Variants in ARHGAP6 observed in about 807,000 individuals in gnomAD.
The protein encoded by ARHGAP6 is Rho GTPase activating protein 6, also known as rho GTPase-activating protein 6.
ARHGAP6 carries 16 observed loss-of-function variants against 55.7 expected under a neutral mutation model. The ratio of observed to expected loss-of-function variants is 0.29; its 90% CI spans 0.19 to 0.44. The LOEUF is 0.44. Among genes scored for constraint, ARHGAP6 ranks in the 20% least tolerant of loss-of-function variants. The pLI is 1.00. For synonymous variants in ARHGAP6, 382 were observed against 360.9 expected (o/e 1.06, Z -0.66); for missense variants, 698 against 808.9 (o/e 0.86, Z 1.66).
chrX:11,609,023 G>C (rs1002068735), intron 1 of ARHGAP6, among the ~76,000 whole-genome samples: 1 of 111,856 alleles, frequency 8.9e-6, no homozygotes, highest in Non-Finnish European at 1.9e-5. Context: ...GCTTGTAATA[G>C]TACTTACTGC....
chrX:11,357,558 C>T (rs1242721844), intron 1 of ARHGAP6, among the ~76,000 whole-genome samples: 1 of 111,727 alleles, frequency 9.0e-6, no homozygotes, highest in Non-Finnish European at 1.9e-5. Flanking sequence ...GTCAGTTAAT[C>T]AGACTCCTAA....
intron 1 of ARHGAP6, among the ~76,000 whole-genome samples, chrX:11,587,665 T>A (rs781179539): frequency 1.8e-5 from 2 of 112,336 alleles, no homozygotes; most frequent in African/African-American, 3.2e-5. Context: ...CACGAAAAGA[T>A]TGAGCTGTGC....
At chrX:11,165,790 T>C (rs766794616) in intron 9 of ARHGAP6, among the ~76,000 whole-genome samples, 1 of 110,989 alleles carries the variant, frequency 9.0e-6, no homozygotes, top group East Asian at 2.8e-4. Context: ...ACCAGAACTC[T>C]GTGGAGGTCT....
chrX:11,234,737 A>T (rs1026546981), intron 2 of ARHGAP6, among the ~76,000 whole-genome samples: 4 of 112,574 alleles, frequency 3.6e-5, no homozygotes, highest in African/African-American at 1.3e-4. Flanking sequence ...CCACACAAAA[A>T]CTTGTATGCC....
chrX:11,251,236 G>A (rs766760838), intron 2 of ARHGAP6, among the ~76,000 whole-genome samples: 3 of 111,301 alleles, frequency 2.7e-5, no homozygotes, highest in Non-Finnish European at 5.7e-5. Flanking sequence ...TTTGTTGGAC[G>A]CTGAGACGCA....
chrX:11,355,777 G>A (rs2048923333), intron 1 of ARHGAP6, among the ~76,000 whole-genome samples: 2 of 111,568 alleles, frequency 1.8e-5, no homozygotes, highest in South Asian at 3.9e-4. Flanking sequence ...TGAGTGATAT[G>A]AGGAAGAGGG....
intron 1 of ARHGAP6, among the ~76,000 whole-genome samples, chrX:11,288,427 A>G (rs981856200): frequency 2.7e-5 from 3 of 112,295 alleles, no homozygotes; most frequent in Non-Finnish European, 5.6e-5. Context: ...TATATTTTAC[A>G]TAATGTATAA....
intron 1 of ARHGAP6, among the ~76,000 whole-genome samples, chrX:11,573,863 G>GAGC (rs1027425674): frequency 2.7e-5 from 3 of 111,292 alleles, no homozygotes; most frequent in African/African-American, 9.8e-5. Context: ...TTATTTCATA[G>GAGC]AGCAGTGGTT....
chrX:11,298,051 C>G (rs1420298573), intron 1 of ARHGAP6: 61 of 1,128,526 alleles, frequency 5.4e-5, no homozygotes, highest in Non-Finnish European at 7.1e-5. Context: ...AACACAGTGC[C>G]TGTCACACAG....
At chrX:11,494,706 C>G (rs1226609248) in intron 1 of ARHGAP6, among the ~76,000 whole-genome samples, 6 of 111,888 alleles carry the variant, frequency 5.4e-5, no homozygotes, top group African/African-American at 1.9e-4. Flanking sequence ...CTGGAACCCT[C>G]ATAGTCTAAG....
chrX:11,324,526 G>A (rs2048475175), intron 1 of ARHGAP6, among the ~76,000 whole-genome samples: 1 of 107,016 alleles, frequency 9.3e-6, no homozygotes, highest in Admixed American at 1.0e-4. Context: ...GAGTCTCTAT[G>A]GGAAATTACT....
rs1352231155 is a variant in ARHGAP6 at position 11,427,534 on chromosome X, G to A, written c.589-172827C>T. On this transcript the variant is annotated intron_variant, in intron 1 of 12. Coordinates refer to ENST00000337414, the MANE Select transcript of ARHGAP6 (RefSeq NM_013427.3). Reference sequence around the variant, plus strand: ...GGCGCCCCCTGTGTCCTCTGCACGCGTCAGGACACTCACCGCGTAGTGCAG... The same window carrying A: ...GGCGCCCCCTGTGTCCTCTGCACGCATCAGGACACTCACCGCGTAGTGCAG... The A allele has an allele frequency of 1.7e-5, 16 of 937,738 alleles. No homozygotes were observed. The Admixed American group carries it at 2.0e-4, about 12-fold the overall frequency. The allele number at this position is 937,738 out of a possible 1,213,427, so 77.3% of individuals were successfully genotyped here.
chrX:11,485,049 A>G (rs2050497997), intron 1 of ARHGAP6, among the ~76,000 whole-genome samples: 1 of 111,283 alleles, frequency 9.0e-6, no homozygotes, highest in South Asian at 3.8e-4. Flanking sequence ...AAAAAAAAAC[A>G]TATCACTCAG....
At chrX:11,484,863 T>G (rs1356806943) in intron 1 of ARHGAP6, among the ~76,000 whole-genome samples, 1 of 111,923 alleles carries the variant, frequency 8.9e-6, no homozygotes, top group Non-Finnish European at 1.9e-5. Context: ...ACTTTACATT[T>G]GAGAAAACAG....
intron 2 of ARHGAP6, among the ~76,000 whole-genome samples, chrX:11,205,710 T>C (rs772009238): frequency 9.0e-6 from 1 of 111,668 alleles, no homozygotes; most frequent in Non-Finnish European, 1.9e-5. Context: ...TCAGATAATT[T>C]CTCCTGTTGT....
chrX:11,489,039 CTG>C (rs916623069), intron 1 of ARHGAP6, among the ~76,000 whole-genome samples: 3 of 112,183 alleles, frequency 2.7e-5, no homozygotes, highest in African/African-American at 9.7e-5. Context: ...TAAGACATAA[CTG>C]TTAAATCCAG....
At chrX:11,200,872 G>T (rs762760691) in intron 2 of ARHGAP6, among the ~76,000 whole-genome samples, 1 of 112,260 alleles carries the variant, frequency 8.9e-6, no homozygotes. Flanking sequence ...TAATTCTAGA[G>T]ATAATAATAG....
intron 1 of ARHGAP6, among the ~76,000 whole-genome samples, chrX:11,395,281 T>C (rs1413400535): frequency 8.9e-6 from 1 of 111,737 alleles, no homozygotes; most frequent in Non-Finnish European, 1.9e-5. Flanking sequence ...AACCCAGCAA[T>C]ATGAAGTATA....
intron 1 of ARHGAP6, among the ~76,000 whole-genome samples, chrX:11,619,836 G>A (rs2052207690): frequency 9.0e-6 from 1 of 111,714 alleles, no homozygotes; most frequent in Non-Finnish European, 1.9e-5. Flanking sequence ...CTTTAACATG[G>A]AGGGAAAGGG....
Sources: gnomAD v4.1 joint callset for allele counts (sites outside exome capture counted in the v4.1 genomes callset) on GRCh38, gnomAD v4.1.1 for gene constraint, MANE v1.5 for transcripts, NCBI Gene and HGNC (gene_info 2026-07-23, HGNC 2026-07-21) for gene names.